Variants in DNAH8 observed in about 807,000 individuals in gnomAD.
DNAH8 encodes the protein axonemal beta dynein heavy chain 8.
In DNAH8, 382 loss-of-function variants were observed where a neutral mutation model predicts 562.1. The ratio of observed to expected loss-of-function variants is 0.68; its 90% CI spans 0.63 to 0.74. The LOEUF is 0.74. Ranked by LOEUF, DNAH8 falls within the 30% of genes least tolerant of loss-of-function variation. DNAH8 has a pLI of 0.00. For synonymous variants in DNAH8, 1,881 were observed against 1,919.4 expected, an observed-to-expected ratio of 0.98 and a Z score of 0.52; for missense variants, 5,203 against 5,620.4, an observed-to-expected ratio of 0.93 and a Z score of 2.37.
At chr6:38,725,293 A>T (rs1172498941) in intron 3 of DNAH8, among the ~76,000 whole-genome samples, 2 of 140,294 alleles carry the variant, frequency 1.4e-5, no homozygotes, top group Non-Finnish European at 3.1e-5. Flanking sequence ...ATAGAGTGAG[A>T]CTCCAACTCA....
intron 82 of DNAH8, among the ~76,000 whole-genome samples, chr6:38,954,033 G>A (rs1762089617): frequency 6.6e-6 from 1 of 152,076 alleles, no homozygotes. Flanking sequence ...ATAACATACG[G>A]ATGGGACAGA....
At chr6:38,975,121 C>T (rs1289854855) in intron 85 of DNAH8, among the ~76,000 whole-genome samples, 1 of 152,164 alleles carries the variant, frequency 6.6e-6, no homozygotes, top group Non-Finnish European at 1.5e-5. Context: ...AGCTCCCTGT[C>T]TTTCTCAAGT....
At chr6:38,953,270 T>C (rs1024449824) in intron 82 of DNAH8, among the ~76,000 whole-genome samples, 2 of 152,196 alleles carry the variant, frequency 1.3e-5, no homozygotes, top group Non-Finnish European at 2.9e-5. Flanking sequence ...GTAGAAACCT[T>C]ATGTACAGAG....
chr6:38,879,491 G>GTCA (rs1190638909), intron 53 of DNAH8, among the ~76,000 whole-genome samples: 2 of 152,158 alleles, frequency 1.3e-5, no homozygotes, highest in Non-Finnish European at 2.9e-5. Context: ...GCCATAAACA[G>GTCA]TCATCTAAAT....
intron 8 of DNAH8, among the ~76,000 whole-genome samples, chr6:38,745,133 A>G (rs1249554415): frequency 6.6e-6 from 1 of 152,178 alleles, no homozygotes; most frequent in Non-Finnish European, 1.5e-5. Flanking sequence ...GCTTACTGTA[A>G]AAAGGATAAA....
At position 38,742,735 on chromosome 6, in the gene DNAH8, A is replaced by C. The variant is rs138831671; in HGVS notation, c.1293+848A>C. ...TCACATACCCTTAGCCCCACCACCC[A>C]CAACTCTGTGTCCTGAATAGTAAGC... On this transcript the variant is annotated intron_variant, in intron 8 of 92. Coordinates refer to ENST00000327475, the MANE Select transcript of DNAH8 (RefSeq NM_001206927.2). 1.5e-4 allele frequency among the ~76,000 whole-genome samples: 23 copies of C among 152,244 alleles called. 1 individual carries two copies. In the South Asian group the frequency reaches 2.1e-3, roughly 14 times the overall value.
At chr6:38,963,695 TTTTTTTA>T (rs1272155778) in intron 82 of DNAH8, among the ~76,000 whole-genome samples, 13 of 70,530 alleles carry the variant, frequency 1.8e-4, no homozygotes, top group African/African-American at 4.9e-4. Flanking sequence ...TTTTTTTTTT[TTTTTTTA>T]AATTTATTTT....
intron 88 of DNAH8, among the ~76,000 whole-genome samples, chr6:39,004,159 T>C (rs903401429): frequency 6.6e-6 from 1 of 152,170 alleles, no homozygotes; most frequent in African/African-American, 2.4e-5. Context: ...GAGAATTGCT[T>C]GAGCCCAAGA....
At chr6:38,790,778 A>G (rs2127656087) in intron 20 of DNAH8, among the ~76,000 whole-genome samples, 1 of 152,002 alleles carries the variant, frequency 6.6e-6, no homozygotes, top group Non-Finnish European at 1.5e-5. Flanking sequence ...AGCCGAGATC[A>G]TGCCATTGCA....
chr6:38,834,449 A>G (rs781146711), intron 31 of DNAH8, 130 bp from the exon 32 acceptor site: 11 of 582,754 alleles, frequency 1.9e-5, no homozygotes, highest in African/African-American at 3.8e-5. Flanking sequence ...AGCTTCAAGT[A>G]CAGGACACAA....
At chr6:38,933,342 T>C (rs554060710) in intron 76 of DNAH8, among the ~76,000 whole-genome samples, 49 of 152,296 alleles carry the variant, frequency 3.2e-4, no homozygotes, top group African/African-American at 9.1e-4. Flanking sequence ...AAAATGCACA[T>C]TTAATATGCA....
chr6:38,860,907 G>C (rs1398983970), intron 43 of DNAH8, among the ~76,000 whole-genome samples: 1 of 152,154 alleles, frequency 6.6e-6, no homozygotes, highest in Non-Finnish European at 1.5e-5. Flanking sequence ...AATATTCCTA[G>C]AATCCCAAAA....
At chr6:38,922,166 CAG>C (rs761420111) in intron 71 of DNAH8, among the ~76,000 whole-genome samples, 4 of 151,830 alleles carry the variant, frequency 2.6e-5, no homozygotes, top group South Asian at 4.2e-4. Flanking sequence ...AGAGACCTGA[CAG>C]GGGCAATCTA....
intron 73 of DNAH8, among the ~76,000 whole-genome samples, chr6:38,924,588 A>T (rs970964758): frequency 3.3e-5 from 5 of 152,090 alleles, no homozygotes; most frequent in African/African-American, 7.2e-5. Context: ...GAGTTTTTTT[A>T]AAAATAATTT....
chr6:38,844,067 A>G (rs118095727), intron 35 of DNAH8, among the ~76,000 whole-genome samples: 1,553 of 152,168 alleles, frequency 0.01, 17 homozygotes, highest in South Asian at 0.025. Context: ...GTTCCATTAA[A>G]TCTAGTTGCC....
Position 38,990,308 on chromosome 6 carries a change from C to G in DNAH8, c.13214+136C>G. The G allele has an allele frequency of 4.6e-6, 3 of 648,680 alleles. No homozygotes were observed. The South Asian group carries it at 6.7e-5, about 15-fold the overall frequency. The allele number at this position is 648,680 out of a possible 1,614,324, so 40.2% of individuals were successfully genotyped here. A position where few individuals can be genotyped will look rare whatever the true frequency, so the allele number is the denominator to read the frequency against. On this transcript the variant is annotated intron_variant, in intron 88 of 92. Coordinates refer to ENST00000327475, the MANE Select transcript of DNAH8 (RefSeq NM_001206927.2). ...TTACTGTGAAAAATAGTGTCGCTTC[C>G]TGTCTCCCAATTACAACTTTGTCAT...
intron 29 of DNAH8, 30 bp from the exon 30 acceptor site, chr6:38,828,154 A>C (rs1343486211): frequency 2.8e-6 from 4 of 1,418,908 alleles, no homozygotes; most frequent in Non-Finnish European, 3.9e-6. Flanking sequence ...TTCCCTTGTG[A>C]TATTTCTAAA....
chr6:38,792,146 G>C (rs1769817075), intron 21 of DNAH8, among the ~76,000 whole-genome samples: 1 of 152,044 alleles, frequency 6.6e-6, no homozygotes, highest in African/African-American at 2.4e-5. Context: ...GGAATACAAT[G>C]GTGTGATCTT....
At chr6:38,747,754 T>A (rs1013720225) in intron 8 of DNAH8, among the ~76,000 whole-genome samples, 4 of 152,242 alleles carry the variant, frequency 2.6e-5, no homozygotes, top group African/African-American at 9.6e-5. Context: ...TTTCCAGATT[T>A]GTCTTAACAA....
Sources: allele counts gnomAD v4.1 joint callset (sites outside exome capture counted in the v4.1 genomes callset), GRCh38; gene constraint gnomAD v4.1.1; transcripts MANE v1.5; gene names NCBI Gene and HGNC (gene_info 2026-07-23, HGNC 2026-07-21).